GFRA1: variants seen among roughly 807,000 people sequenced by gnomAD.
GFRA1 encodes the protein GDNF family receptor alpha 1.
Under a neutral mutation model 51.6 loss-of-function variants are expected in GFRA1, and 16 were observed. The observed-to-expected ratio is 0.31, with a 90% CI of 0.21 to 0.47. The LOEUF (loss-of-function observed/expected upper bound fraction) is 0.47. Ranked by LOEUF, GFRA1 falls within the 20% of genes least tolerant of loss-of-function variation. GFRA1 has a pLI of 1.00. For synonymous variants in GFRA1, 270 were observed against 241.3 expected (o/e 1.12, Z -1.10); for missense variants, 530 against 594.3 (o/e 0.89, Z 1.13).
intron 9 of GFRA1, among the ~76,000 whole-genome samples, chr10:116,087,085 A>G (rs945308380): frequency 3.3e-5 from 5 of 152,234 alleles, no homozygotes; most frequent in African/African-American, 1.2e-4. Context: ...CAGAGTTCCT[A>G]TCACTAACAG....
intron 4 of GFRA1, among the ~76,000 whole-genome samples, chr10:116,235,883 A>G (rs1266939390): frequency 6.6e-6 from 1 of 152,132 alleles, no homozygotes; most frequent in African/African-American, 2.4e-5. Context: ...AGACCTCAGA[A>G]TGAAATTCGC....
rs150799149 is a variant in GFRA1 at position 116,185,862 on chromosome 10, G to A, written c.433+25769C>T. On this transcript the variant is annotated intron_variant, in intron 5 of 10. Transcript: ENST00000355422. Reference sequence around the variant, plus strand: ...TATTGTCGCTGTTTTAATTATAATTGTGCTGCTCACAATGTCCCACAGGAC... The same window carrying A: ...TATTGTCGCTGTTTTAATTATAATTATGCTGCTCACAATGTCCCACAGGAC... 9.3e-4 allele frequency among the ~76,000 whole-genome samples: 141 copies of A among 152,290 alleles called. 1 individual carries two copies. Among genetic ancestry groups the A allele is most frequent in the African/African-American group, 3.3e-3 (136 of 41,558 alleles).
intron 6 of GFRA1, among the ~76,000 whole-genome samples, chr10:116,118,329 A>G (rs1381816089): frequency 6.6e-6 from 1 of 152,066 alleles, no homozygotes; most frequent in Non-Finnish European, 1.5e-5. Context: ...TGTTGCTCCC[A>G]CCTGGGAGCT....
chr10:116,260,794 A>G (rs760945446), intron 4 of GFRA1, among the ~76,000 whole-genome samples: 41 of 152,238 alleles, frequency 2.7e-4, no homozygotes, highest in Non-Finnish European at 4.1e-4. Flanking sequence ...ATAATAAATT[A>G]GCCTCTTATG....
intron 6 of GFRA1, among the ~76,000 whole-genome samples, chr10:116,111,851 C>T (rs2530330): frequency 0.87 from 131,880 of 152,170 alleles, 59,764 homozygotes; most frequent in Non-Finnish European, 0.99. Context: ...AGAGCAAAGG[C>T]GCCTCTGAGA....
chr10:116,174,280 C>T (rs74160641), intron 5 of GFRA1, among the ~76,000 whole-genome samples: 3,041 of 152,244 alleles, frequency 0.02, 109 homozygotes, highest in African/African-American at 0.07. Flanking sequence ...CACTTTTCAG[C>T]TTCAGATATG....
rs375468794 is a variant in GFRA1 at position 116,158,761 on chromosome 10, C to T, written c.434-33204G>A. Among the ~76,000 whole-genome samples, 13 of 152,302 alleles carry T rather than the reference C, an allele frequency of 8.5e-5. No individual in the cohort carries two copies. In the East Asian group the frequency reaches 1.9e-3, roughly 23 times the overall value. Reference sequence around the variant, plus strand: ...TCACAGTGGGCAAAACAATGAGGTGCTCTGCAGAAAGCTGGAGCCCAGTAC... The same window carrying T: ...TCACAGTGGGCAAAACAATGAGGTGTTCTGCAGAAAGCTGGAGCCCAGTAC... On this transcript the variant is annotated intron_variant, in intron 5 of 10. Coordinates refer to ENST00000355422, the MANE Select transcript of GFRA1 (RefSeq NM_005264.8).
At chr10:116,270,431 G>A (rs1480026074) in intron 3 of GFRA1, among the ~76,000 whole-genome samples, 1 of 152,204 alleles carries the variant, frequency 6.6e-6, no homozygotes, top group Non-Finnish European at 1.5e-5. Context: ...GGGGAGTCCA[G>A]ACCAGATGCA....
rs1589808281 is a variant in GFRA1, at chr10:116,125,495, T to C, written c.496A>G (p.Ile166Val). Residue 166 changes from isoleucine to valine, a missense_variant, in exon 6 of 11, where the codon ATT becomes GTT. Coordinates refer to ENST00000355422, the MANE Select transcript of GFRA1 (RefSeq NM_005264.8). ...TACGCCGACCTGTACTTCTTGCAAA[T>C]GTCGTCGAGGTTGCAGGCCTTCGCT... The part of the protein sequence containing the change: ...DAAKACNLDD[I>V]CKKYRSAYIT... 4.3e-6 allele frequency: 7 copies of C among 1,614,184 alleles called. No homozygotes were observed. Among genetic ancestry groups the C allele is most frequent in the Non-Finnish European group, 5.9e-6 (7 of 1,180,038 alleles).
rs74158429 is a variant in GFRA1, at chr10:116,271,886, C to T, written c.40+104G>A. The T allele has an allele frequency of 7.8e-3, 6,942 of 891,784 alleles. 241 individuals carry two copies. In the African/African-American group the frequency reaches 0.088, roughly 11 times the overall value. The allele number at this position is 891,784 out of a possible 1,614,324, so 55.2% of individuals were successfully genotyped here. On this transcript the variant is annotated intron_variant, in intron 2 of 10. Coordinates refer to ENST00000355422, the MANE Select transcript of GFRA1 (RefSeq NM_005264.8). ...AGACACTTCTTCCTTCCACATCCACCACACCCGCGCCCCAATTTTGGTGCG... is the reference window on the plus strand; with the variant it reads ...AGACACTTCTTCCTTCCACATCCACTACACCCGCGCCCCAATTTTGGTGCG...
intron 4 of GFRA1, among the ~76,000 whole-genome samples, chr10:116,263,905 G>A (rs1200711005): frequency 2.0e-5 from 3 of 152,120 alleles, no homozygotes; most frequent in African/African-American, 2.4e-5. Flanking sequence ...TGGAAGGGAC[G>A]GAGATGACTT....
In GFRA1 at chr10:116,095,016, C is replaced by CA. The variant is rs577374705; in HGVS notation, c.881-1181dup. Reference sequence around the variant, plus strand: ...ACAGAGAAAGACATTTTGGTCTCTGCAATGCATTGCCTCTGCCATTGGGCC... The same window carrying CA: ...ACAGAGAAAGACATTTTGGTCTCTGCAAATGCATTGCCTCTGCCATTGGGCC... On this transcript the variant is annotated intron_variant, in intron 7 of 10. Transcript: ENST00000355422. Among the ~76,000 whole-genome samples the CA allele has an allele frequency of 2.8e-3, 429 of 152,320 alleles. 2 individuals are homozygous for CA. The highest frequency in any genetic ancestry group is 5.1e-3 in the Non-Finnish European group (346 of 68,034).
In GFRA1 at chr10:116,061,375, G is replaced by A. The variant is rs1410784488; in HGVS notation, c.*3023C>T. Reference sequence around the variant, plus strand: ...TTATTACAGACTTGAAAAAAATCAGGTATGGAAAAATAAATATGTAATTGG... The same window carrying A: ...TTATTACAGACTTGAAAAAAATCAGATATGGAAAAATAAATATGTAATTGG... On this transcript the variant is annotated 3_prime_UTR_variant, in exon 11 of 11. Transcript: ENST00000355422. 6.6e-6 allele frequency: 1 copy of A among 151,614 alleles called. No individual in the cohort carries two copies. Among genetic ancestry groups the A allele is most frequent in the Non-Finnish European group, 1.5e-5 (1 of 67,952 alleles). The allele number at this position is 151,614 out of a possible 1,614,324, so 9.4% of individuals were successfully genotyped here.
At chr10:116,202,746 G>C (rs1041837540) in intron 5 of GFRA1, among the ~76,000 whole-genome samples, 10 of 152,012 alleles carry the variant, frequency 6.6e-5, no homozygotes, top group African/African-American at 1.9e-4. Context: ...AACAGCAATG[G>C]GGAAATCCAC....
chr10:116,129,345 T>TTATA (rs1958009726), intron 5 of GFRA1, among the ~76,000 whole-genome samples: 1 of 152,186 alleles, frequency 6.6e-6, no homozygotes, highest in Admixed American at 6.5e-5. Flanking sequence ...CAACTTGGGT[T>TTATA]TATCTCAAGA....
intron 5 of GFRA1, among the ~76,000 whole-genome samples, chr10:116,202,204 C>G (rs1311489504): frequency 1.3e-5 from 2 of 152,144 alleles, no homozygotes; most frequent in African/African-American, 4.8e-5. Flanking sequence ...ACAGATCATT[C>G]TGACAGTGGG....
chr10:116,087,759 G>A (rs1481974527), intron 9 of GFRA1, among the ~76,000 whole-genome samples: 4 of 152,112 alleles, frequency 2.6e-5, no homozygotes, highest in Non-Finnish European at 4.4e-5. Flanking sequence ...GAGGAAGCAG[G>A]GTGCAGAGCA....
intron 4 of GFRA1, among the ~76,000 whole-genome samples, chr10:116,212,919 G>T (rs551525260): frequency 5.9e-5 from 9 of 152,214 alleles, no homozygotes; most frequent in African/African-American, 2.2e-4. Context: ...ATGGATTCAG[G>T]TTCACCCTGC....
chr10:116,214,365 C>G (rs1435980695), intron 4 of GFRA1, among the ~76,000 whole-genome samples: 1 of 152,168 alleles, frequency 6.6e-6, no homozygotes, highest in Non-Finnish European at 1.5e-5. Context: ...TCTTAATCAC[C>G]TTTGTGGGTC....
Sources: gnomAD v4.1 joint callset for allele counts (sites outside exome capture counted in the v4.1 genomes callset) on GRCh38, gnomAD v4.1.1 for gene constraint, MANE v1.5 for transcripts, NCBI Gene and HGNC (gene_info 2026-07-23, HGNC 2026-07-21) for gene names.